MYO5B: variants seen among roughly 807,000 people sequenced by gnomAD.
MYO5B encodes the protein unconventional myosin-Vb.
MYO5B carries 143 observed loss-of-function variants against 229.3 expected under a neutral mutation model. The ratio of observed to expected loss-of-function variants is 0.62; its 90% CI spans 0.54 to 0.72. The LOEUF is 0.72. Among genes scored for constraint, MYO5B ranks in the 30% least tolerant of loss-of-function variants. The pLI is 0.00. For synonymous variants in MYO5B, 918 were observed against 885.2 expected, an observed-to-expected ratio of 1.04 and a Z score of -0.66; for missense variants, 2,321 against 2,331.0, an observed-to-expected ratio of 1.00 and a Z score of 0.09.
chr18:49,948,178 A>G (rs1473674244), intron 14 of MYO5B, among the ~76,000 whole-genome samples: 5 of 152,264 alleles, frequency 3.3e-5, no homozygotes, highest in Non-Finnish European at 4.4e-5. Context: ...AGACACATAA[A>G]GTTAAAATAA....
chr18:50,001,649 G>C (rs975910010), intron 4 of MYO5B, among the ~76,000 whole-genome samples: 1 of 152,196 alleles, frequency 6.6e-6, no homozygotes, highest in African/African-American at 2.4e-5. Context: ...CCTAGAGCGA[G>C]AGTGGTGCAG....
chr18:50,044,211 C>A (rs1463322281), intron 2 of MYO5B, among the ~76,000 whole-genome samples: 1 of 152,132 alleles, frequency 6.6e-6, no homozygotes, highest in Non-Finnish European at 1.5e-5. Context: ...GGTGCAGATT[C>A]TTGGATGTGT....
chr18:50,081,404 G>C (rs1311198685), intron 1 of MYO5B, among the ~76,000 whole-genome samples: 3 of 152,146 alleles, frequency 2.0e-5, no homozygotes, highest in Non-Finnish European at 4.4e-5. Flanking sequence ...CTGAGGGCTC[G>C]GGATTCTTTC....
chr18:49,979,604 G>A (rs35564260), intron 9 of MYO5B, among the ~76,000 whole-genome samples: 5,835 of 152,302 alleles, frequency 0.038, 155 homozygotes, highest in Middle Eastern at 0.088. Context: ...GCATGGACAC[G>A]TGCCCTCAGG....
chr18:49,894,101 C>T (rs1410766298), intron 22 of MYO5B, among the ~76,000 whole-genome samples: 1 of 152,212 alleles, frequency 6.6e-6, no homozygotes, highest in East Asian at 1.9e-4. Context: ...CCAAGGTCTA[C>T]CGCAGGGCCC....
chr18:50,175,562 A>G (rs1012801438), intron 1 of MYO5B, among the ~76,000 whole-genome samples: 1 of 152,254 alleles, frequency 6.6e-6, no homozygotes, highest in African/African-American at 2.4e-5. Flanking sequence ...GGTAAGTAGA[A>G]TCTCCAGAAA....
At chr18:49,946,822 A>G (rs1271894269) in intron 14 of MYO5B, among the ~76,000 whole-genome samples, 13 of 142 alleles carry the variant, frequency 0.092, no homozygotes. Context: ...TTAGTTCTCA[A>G]AAGGAGGTAC....
chr18:50,122,439 TAAAAAAAA>T (rs71169481), intron 1 of MYO5B, among the ~76,000 whole-genome samples: 595 of 41,888 alleles, frequency 0.014, 24 homozygotes, highest in Middle Eastern at 0.056. Context: ...CTGTCTCAAC[TAAAAAAAA>T]AAAAAAAAAA....
chr18:50,110,574 T>C (rs1599028301), intron 1 of MYO5B, among the ~76,000 whole-genome samples: 2 of 152,182 alleles, frequency 1.3e-5, no homozygotes, highest in African/African-American at 4.8e-5. Flanking sequence ...TCTGAATCCC[T>C]CCTGCCTCTC....
intron 1 of MYO5B, among the ~76,000 whole-genome samples, chr18:50,059,794 C>G (rs914884878): frequency 1.3e-5 from 2 of 152,188 alleles, no homozygotes; most frequent in African/African-American, 4.8e-5. Flanking sequence ...CCAATGTCAT[C>G]CATACTGCAT....
chr18:49,884,913 C>G (rs928966810), intron 22 of MYO5B, among the ~76,000 whole-genome samples: 4 of 152,126 alleles, frequency 2.6e-5, no homozygotes, highest in Non-Finnish European at 5.9e-5. Flanking sequence ...TAGGGAAATA[C>G]AAATCAAAGC....
At chr18:49,919,485 G>A (rs143962511) in intron 17 of MYO5B, among the ~76,000 whole-genome samples, 13 of 152,112 alleles carry the variant, frequency 8.5e-5, no homozygotes, top group Non-Finnish European at 1.6e-4. Context: ...TCAACAAGAA[G>A]ACAAGTAATC....
chr18:50,059,943 GA>G (rs1366239468), intron 1 of MYO5B, among the ~76,000 whole-genome samples: 3 of 152,280 alleles, frequency 2.0e-5, no homozygotes, highest in African/African-American at 7.2e-5. Flanking sequence ...ATATGGCCAA[GA>G]AACAGACACA....
At chr18:50,007,595 A>T (rs2026116766) in intron 4 of MYO5B, among the ~76,000 whole-genome samples, 2 of 152,186 alleles carry the variant, frequency 1.3e-5, no homozygotes, top group African/African-American at 2.4e-5. Context: ...CTCCAGCTTC[A>T]GTGCATGCCA....
intron 22 of MYO5B, among the ~76,000 whole-genome samples, chr18:49,890,464 A>G (rs2024698592): frequency 6.6e-6 from 1 of 152,230 alleles, no homozygotes; most frequent in Non-Finnish European, 1.5e-5. Flanking sequence ...ATCAGAATCA[A>G]CACTGGAGGA....
At chr18:50,004,322 T>C (rs1346661003) in intron 4 of MYO5B, among the ~76,000 whole-genome samples, 1 of 152,198 alleles carries the variant, frequency 6.6e-6, no homozygotes, top group Non-Finnish European at 1.5e-5. Context: ...CATACATGGC[T>C]AAGAAATTAT....
At chr18:49,918,750 T>C (rs2025044470) in intron 17 of MYO5B, among the ~76,000 whole-genome samples, 2 of 152,220 alleles carry the variant, frequency 1.3e-5, no homozygotes, top group African/African-American at 4.8e-5. Context: ...CTCTGGATAT[T>C]GAGACATGGA....
At chr18:49,902,493 G>A in intron 21 of MYO5B, 101 bp downstream of exon 21, 1 of 1,533,858 alleles carries the variant, frequency 6.5e-7, no homozygotes, top group Non-Finnish European at 8.9e-7. Flanking sequence ...TGCTCCCTCG[G>A]GTCTTCGGCA....
chr18:49,969,104 G>T (rs1045046248), intron 10 of MYO5B, among the ~76,000 whole-genome samples: 1 of 152,194 alleles, frequency 6.6e-6, no homozygotes, highest in Admixed American at 6.5e-5. Context: ...ACTGTGGCTA[G>T]CCATGCATGT....
Sources: gnomAD v4.1 joint callset for allele counts (sites outside exome capture counted in the v4.1 genomes callset) on GRCh38, gnomAD v4.1.1 for gene constraint, MANE v1.5 for transcripts, NCBI Gene and HGNC (gene_info 2026-07-23, HGNC 2026-07-21) for gene names.